The following KIF5C variants were observed in gnomAD, a reference collection of about 807,000 sequenced individuals.
KIF5C encodes kinesin family member 5C, also known as kinesin heavy chain isoform 5C.
A neutral mutation model predicts 125.2 loss-of-function variants in KIF5C; 18 were observed. That is an observed-to-expected ratio of 0.14 (90% CI 0.10 to 0.21). The LOEUF (loss-of-function observed/expected upper bound fraction) is 0.21, where lower values mean the gene tolerates loss of function less well. KIF5C is among the 10% of genes least tolerant of loss of function. KIF5C has a pLI of 1.00. For missense variants in KIF5C, 780 were observed against 1,183.8 expected (o/e 0.66, Z 5.01); for synonymous variants, 405 against 434.0 (o/e 0.93, Z 0.83).
At chr2:149,019,336 C>A (rs1682460674) in intron 25 of KIF5C, among the ~76,000 whole-genome samples, 1 of 152,110 alleles carries the variant, frequency 6.6e-6, no homozygotes, top group South Asian at 2.1e-4. Flanking sequence ...AAAAATTAGG[C>A]CCCCGTGCAT....
At chr2:148,898,457 A>T (rs1255414476) in intron 1 of KIF5C, among the ~76,000 whole-genome samples, 1 of 152,228 alleles carries the variant, frequency 6.6e-6, no homozygotes, top group African/African-American at 2.4e-5. Context: ...GTGGGAATTA[A>T]GGTTGCAGAT....
chr2:148,993,662 A>G (rs1337968593), intron 16 of KIF5C, among the ~76,000 whole-genome samples: 3 of 152,212 alleles, frequency 2.0e-5, no homozygotes, highest in Non-Finnish European at 4.4e-5. Context: ...CTTCCTGCCT[A>G]AAGCTGAGCT....
intron 15 of KIF5C, among the ~76,000 whole-genome samples, chr2:148,986,885 A>G (rs1681394012): frequency 6.6e-6 from 1 of 152,228 alleles, no homozygotes; most frequent in Non-Finnish European, 1.5e-5. Context: ...ACAAAACAAG[A>G]TGAGTCCAGC....
intron 25 of KIF5C, among the ~76,000 whole-genome samples, chr2:149,017,987 C>A (rs925313050): frequency 6.6e-6 from 1 of 152,126 alleles, no homozygotes. Flanking sequence ...GTTTGGGATG[C>A]CTGTTTTTTG....
intron 1 of KIF5C, among the ~76,000 whole-genome samples, chr2:148,881,514 T>C (rs1681353851): frequency 6.6e-6 from 1 of 152,108 alleles, no homozygotes; most frequent in Admixed American, 6.5e-5. Context: ...TTTTTCCCCC[T>C]TTCCCTGCCT....
In KIF5C at chr2:148,950,392, A is replaced by G. The variant is rs1489125332; in HGVS notation, c.898A>G (p.Ile300Val). 10 of 1,614,030 alleles carry G rather than the reference A, an allele frequency of 6.2e-6. No individual in the cohort carries two copies. Among genetic ancestry groups the G allele is most frequent in the Non-Finnish European group, 8.5e-6 (10 of 1,179,896 alleles). ...TTTGGGTGGGAACTGCAGAACCACC[A>G]TCGTCATTTGCTGTTCTCCTTCTGT... ...DSLGGNCRTTIVICCSPSVFN... is the reference protein window; with the variant it reads ...DSLGGNCRTTVVICCSPSVFN... Residue 300 changes from isoleucine (I) to valine (V), a missense_variant, in exon 10 of 26, where the codon ATC (isoleucine) becomes GTC (valine). Coordinates refer to ENST00000435030, the MANE Select transcript of KIF5C (RefSeq NM_004522.3).
At chr2:148,928,006 C>G (rs1037946373) in intron 2 of KIF5C, among the ~76,000 whole-genome samples, 1 of 151,968 alleles carries the variant, frequency 6.6e-6, no homozygotes, top group African/African-American at 2.4e-5. Flanking sequence ...CTTTTCTTAC[C>G]TTCCTAAAAT....
At chr2:149,001,834 T>C (rs1681860406) in intron 21 of KIF5C, among the ~76,000 whole-genome samples, 1 of 152,256 alleles carries the variant, frequency 6.6e-6, no homozygotes, top group African/African-American at 2.4e-5. Flanking sequence ...ATGGGTCATG[T>C]GGATCTGTGT....
chr2:148,930,653 C>T (rs1682157506), intron 3 of KIF5C, among the ~76,000 whole-genome samples: 1 of 152,174 alleles, frequency 6.6e-6, no homozygotes, highest in South Asian at 2.1e-4. Context: ...ATGTTCTGCT[C>T]ATACTGATTT....
intron 1 of KIF5C, among the ~76,000 whole-genome samples, chr2:148,892,216 T>C (rs1681726377): frequency 6.6e-6 from 1 of 152,206 alleles, no homozygotes; most frequent in African/African-American, 2.4e-5. Flanking sequence ...ATTGAGAATG[T>C]TTGAGTGCAC....
At position 148,876,631 on chromosome 2, in the gene KIF5C, A is replaced by G. The variant is rs1285413758; in HGVS notation, c.126+888A>G. On this transcript the variant is annotated intron_variant, in intron 1 of 25. Coordinates refer to ENST00000435030, the MANE Select transcript of KIF5C (RefSeq NM_004522.3). This position sits in a 1 kb window ranked among gnomAD's most constrained non-coding sequence, Gnocchi z 4.7. ...CTTTTCTCCCCCACCCCCTCCCCCT[A>G]CTTAGCTCCCTCTCTGCAGCTGGGG... 1.4e-5 allele frequency among the ~76,000 whole-genome samples: 2 copies of G among 138,916 alleles called. No homozygotes were observed. The highest frequency in any genetic ancestry group is 3.2e-5 in the Non-Finnish European group (2 of 63,462). 91.1% of individuals were successfully genotyped at this position (138,916 alleles called of 152,430 possible).
At chr2:149,009,223 C>T (rs1682108326) in intron 23 of KIF5C, among the ~76,000 whole-genome samples, 1 of 151,876 alleles carries the variant, frequency 6.6e-6, no homozygotes, top group Non-Finnish European at 1.5e-5. Context: ...AACCACTGAC[C>T]TCGTGATCCG....
Position 148,879,124 on chromosome 2 carries a change from C to T in KIF5C, c.126+3381C>T, listed in dbSNP as rs572295309. ...AGCCACAGTCTTTCCCCACTTTGAA[C>T]TCCTATAGCATTTGTTTTGTATATG... On this transcript the variant is annotated intron_variant, in intron 1 of 25. Transcript: ENST00000435030. 15 of 152,340 alleles carry T rather than the reference C, an allele frequency of 9.8e-5. No individual in the cohort carries two copies. In the East Asian group the frequency reaches 2.9e-3, roughly 29 times the overall value. 9.4% of individuals were successfully genotyped at this position (152,340 alleles called of 1,614,324 possible).
intron 1 of KIF5C, among the ~76,000 whole-genome samples, chr2:148,921,455 G>A (rs146464669): frequency 1.2e-4 from 18 of 152,258 alleles, no homozygotes; most frequent in Non-Finnish European, 2.1e-4. Flanking sequence ...CTTCCCATTG[G>A]CTAACATTTA....
chr2:148,926,099 T>G (rs549465435), intron 2 of KIF5C, among the ~76,000 whole-genome samples: 1 of 152,342 alleles, frequency 6.6e-6, no homozygotes, highest in East Asian at 1.9e-4. Flanking sequence ...GTAGGACTAC[T>G]GATGGGTAGG....
chr2:148,978,813 A>G (rs932793239), intron 12 of KIF5C, 109 bp from the exon 13 acceptor site: 3 of 1,396,430 alleles, frequency 2.1e-6, no homozygotes, highest in East Asian at 5.3e-5. Context: ...ACACCACACT[A>G]TTCCTTCCTT....
intron 3 of KIF5C, 46 bp downstream of exon 3, chr2:148,929,400 T>C (rs1276138416): frequency 2.4e-6 from 3 of 1,270,202 alleles, no homozygotes; most frequent in Middle Eastern, 1.8e-4. Context: ...GATGACTGAA[T>C]GGAACTGACG....
intron 4 of KIF5C, among the ~76,000 whole-genome samples, chr2:148,938,759 A>G (rs1481268815): frequency 6.6e-6 from 1 of 152,100 alleles, no homozygotes. Flanking sequence ...CACCAGGCCC[A>G]TCTGTTCAGA....
At chr2:148,894,920 A>G (rs866497397) in intron 1 of KIF5C, among the ~76,000 whole-genome samples, 18 of 151,130 alleles carry the variant, frequency 1.2e-4, no homozygotes, top group African/African-American at 4.1e-4. Flanking sequence ...CCCAAGAATA[A>G]GTATGAACTG....
Sources: gnomAD v4.1 joint callset for allele counts (sites outside exome capture counted in the v4.1 genomes callset) on GRCh38, gnomAD v4.1.1 for gene constraint, Gnocchi (gnomAD v3.1) non-coding constraint, MANE v1.5 for transcripts, NCBI Gene and HGNC (gene_info 2026-07-23, HGNC 2026-07-21) for gene names.